The following CHST9 variants were observed in gnomAD, a reference collection of about 807,000 sequenced individuals.
CHST9 encodes GalNAc-4-sulfotransferase 2.
CHST9 carries 41 observed loss-of-function variants against 44.4 expected under a neutral mutation model. The observed-to-expected ratio is 0.92, with a 90% CI of 0.72 to 1.20. CHST9 has a LOEUF of 1.20. CHST9 is among the 50% of genes most tolerant of loss of function. The probability of loss-of-function intolerance (pLI) is 0.00; values close to 1 mark genes in which losing one functional copy is unlikely to be tolerated. For missense variants in CHST9, 504 were observed against 516.5 expected, an observed-to-expected ratio of 0.98 and a Z score of 0.23; for synonymous variants, 171 against 178.4, an observed-to-expected ratio of 0.96 and a Z score of 0.33.
chr18:27,067,453 A>AAAAT (rs765147148), intron 2 of CHST9, among the ~76,000 whole-genome samples: 50 of 152,142 alleles, frequency 3.3e-4, no homozygotes, highest in Admixed American at 1.2e-3. Flanking sequence ...AGAAAAAAGT[A>AAAAT]AAATAAATAA....
rs144126513 is a variant in CHST9, at chr18:27,053,054, G to A, written c.122-4551C>T. On this transcript the variant is annotated intron_variant, in intron 2 of 5. Coordinates refer to ENST00000618847, the MANE Select transcript of CHST9 (RefSeq NM_031422.6). ...GTATTCCTATGTAACAAACCTGCAT[G>A]TTCAGCACATGTATCCCAGAACTTA... 6.0e-3 allele frequency among the ~76,000 whole-genome samples: 898 copies of A among 149,844 alleles called. 14 individuals are homozygous for A. Among genetic ancestry groups the A allele is most frequent in the African/African-American group, 0.021 (842 of 40,578 alleles).
intron 1 of CHST9, among the ~76,000 whole-genome samples, chr18:27,178,836 T>C (rs2058888412): frequency 6.6e-6 from 1 of 152,020 alleles, no homozygotes; most frequent in African/African-American, 2.4e-5. Flanking sequence ...GGGTTGGAAA[T>C]AGCTTTTGGG....
At chr18:27,061,135 T>C (rs1003719636) in intron 2 of CHST9, among the ~76,000 whole-genome samples, 5 of 152,112 alleles carry the variant, frequency 3.3e-5, no homozygotes, top group African/African-American at 1.2e-4. Context: ...AAACTCCTTA[T>C]CTGAGGACAA....
intron 4 of CHST9, among the ~76,000 whole-genome samples, chr18:26,965,645 T>C (rs190327371): frequency 1.1e-4 from 17 of 152,336 alleles, no homozygotes; most frequent in Middle Eastern, 3.4e-3. Context: ...CTGCATGGTA[T>C]TGCTATGAAG....
At chr18:27,041,418 T>C (rs961879609) in intron 3 of CHST9, among the ~76,000 whole-genome samples, 2 of 152,244 alleles carry the variant, frequency 1.3e-5, no homozygotes, top group South Asian at 4.1e-4. Context: ...AGATTAAAGT[T>C]TCTCTTTTTC....
intron 2 of CHST9, among the ~76,000 whole-genome samples, chr18:27,124,578 A>G (rs991602962): frequency 6.6e-6 from 1 of 152,224 alleles, no homozygotes; most frequent in African/African-American, 2.4e-5. Context: ...CCATTTTTCC[A>G]TCAATTCTTG....
At chr18:27,080,971 G>T (rs2057954846) in intron 2 of CHST9, among the ~76,000 whole-genome samples, 1 of 152,178 alleles carries the variant, frequency 6.6e-6, no homozygotes. Context: ...TCAGAGTTAT[G>T]TTTGAGGCTA....
chr18:26,971,198 C>A (rs1182618971), intron 4 of CHST9, among the ~76,000 whole-genome samples: 1 of 151,980 alleles, frequency 6.6e-6, no homozygotes, highest in Non-Finnish European at 1.5e-5. Flanking sequence ...CTAAGAAAGA[C>A]CTAACTTGCA....
At chr18:27,058,008 C>T (rs1430008853) in intron 2 of CHST9, among the ~76,000 whole-genome samples, 3 of 152,130 alleles carry the variant, frequency 2.0e-5, no homozygotes, top group Non-Finnish European at 2.9e-5. Flanking sequence ...TAGAGTAAAC[C>T]TTTTGATATT....
intron 4 of CHST9, among the ~76,000 whole-genome samples, chr18:26,948,003 C>A (rs1197853022): frequency 6.6e-6 from 1 of 152,134 alleles, no homozygotes; most frequent in Non-Finnish European, 1.5e-5. Context: ...AACCTAAATG[C>A]CCATCAATGA....
At chr18:26,992,374 ACT>A (rs2056828446) in intron 4 of CHST9, among the ~76,000 whole-genome samples, 1 of 67,024 alleles carries the variant, frequency 1.5e-5, no homozygotes, top group Admixed American at 1.9e-4. Flanking sequence ...GTGGGGATTG[ACT>A]GTCTCTTATT....
intron 1 of CHST9, among the ~76,000 whole-genome samples, chr18:27,159,075 T>G (rs538736323): frequency 1.3e-5 from 2 of 152,320 alleles, no homozygotes; most frequent in South Asian, 4.1e-4. Context: ...TTCACTCTGA[T>G]GGTAGTTTCT....
At chr18:27,116,656 G>A (rs1182489519) in intron 2 of CHST9, among the ~76,000 whole-genome samples, 1 of 152,170 alleles carries the variant, frequency 6.6e-6, no homozygotes, top group African/African-American at 2.4e-5. Flanking sequence ...TTAACAGCAA[G>A]TATGTTGAAT....
chr18:26,917,299 G>A lies in CHST9; in HGVS notation c.292C>T (p.Leu98=), dbSNP rs368326527. The change falls in exon 6 of 6, where the codon CTA becomes TTA. Residue 98 remains leucine (L), a synonymous_variant. Transcript: ENST00000618847. ...EDVREKKENL[L]LNSERSTRLL... The stretch of plus-strand genomic sequence containing the variant: ...CTAGTAGATCTCTCAGAATTGAGTA[G>A]AAGATTTTCCTTTTTTTCTCGTACA... 106 of 1,612,774 alleles carry A rather than the reference G, an allele frequency of 6.6e-5. No individual in the cohort carries two copies. In the African/African-American group the frequency reaches 1.3e-3, roughly 19 times the overall value.
rs144941989 is a variant in CHST9, at chr18:26,940,077, C to T, written c.240+4252G>A. 2.3e-3 allele frequency among the ~76,000 whole-genome samples: 352 copies of T among 152,274 alleles called. 1 individual carries two copies. The highest frequency in any genetic ancestry group is 4.1e-3 in the Non-Finnish European group (281 of 68,018). ...CTTCTTTCTTTGATTTCACAGGGCC[C>T]ACACAGCCTGACCTCTCTCAATAAG... On this transcript the variant is annotated intron_variant, in intron 5 of 5. Coordinates refer to ENST00000618847, the MANE Select transcript of CHST9 (RefSeq NM_031422.6).
At chr18:26,936,699 T>G (rs550201061) in intron 5 of CHST9, 1 of 152,270 alleles carries the variant, frequency 6.6e-6, no homozygotes, top group African/African-American at 2.4e-5. Context: ...TCAGTTCATC[T>G]TCTGGTACAG....
chr18:27,110,639 G>T (rs1343453060), intron 2 of CHST9, among the ~76,000 whole-genome samples: 4 of 152,170 alleles, frequency 2.6e-5, no homozygotes, highest in Non-Finnish European at 5.9e-5. Flanking sequence ...AAAGAGTGGG[G>T]AACTGGGAGG....
rs185936085 is a variant in CHST9 at position 26,991,779 on chromosome 18, C to T, written c.202+32337G>A. On this transcript the variant is annotated intron_variant, in intron 4 of 5. Coordinates refer to ENST00000618847, the MANE Select transcript of CHST9 (RefSeq NM_031422.6). ...ATGTTTCTGACAGGTCTGATGAAGA[C>T]GAGGACTAAGACCTGACCACTGGAT... is the stretch of plus-strand genomic sequence containing the variant. Among the ~76,000 whole-genome samples, 34 of 126,640 alleles carry T rather than the reference C, an allele frequency of 2.7e-4. 7 individuals are homozygous for T. Among genetic ancestry groups the T allele is most frequent in the African/African-American group, 8.8e-4 (33 of 37,614 alleles). The allele number at this position is 126,640 out of a possible 152,430, so 83.1% of individuals were successfully genotyped here. A position where few individuals can be genotyped will look rare whatever the true frequency, so the allele number is the denominator to read the frequency against.
intron 2 of CHST9, among the ~76,000 whole-genome samples, chr18:27,056,525 G>T (rs943031633): frequency 6.6e-6 from 1 of 152,060 alleles, no homozygotes; most frequent in Non-Finnish European, 1.5e-5. Flanking sequence ...TCTGGAAATG[G>T]GAGTAATACA....
Sources: gnomAD v4.1 joint callset for allele counts (sites outside exome capture counted in the v4.1 genomes callset) on GRCh38, gnomAD v4.1.1 for gene constraint, MANE v1.5 for transcripts, NCBI Gene and HGNC (gene_info 2026-07-23, HGNC 2026-07-21) for gene names.